GLG1: variants seen among roughly 807,000 people sequenced by gnomAD.
The protein encoded by GLG1 is Golgi apparatus protein 1.
In GLG1, 38 loss-of-function variants were observed where a neutral mutation model predicts 160.5. That is an observed-to-expected ratio of 0.24 (90% CI 0.18 to 0.31). The LOEUF is 0.31. GLG1 is among the 10% of genes least tolerant of loss of function. GLG1 has a pLI of 1.00. For missense variants in GLG1, 1,373 were observed against 1,505.2 expected (o/e 0.91, Z 1.45); for synonymous variants, 644 against 543.4 (o/e 1.19, Z -2.57).
In GLG1 at chr16:74,447,649, A is replaced by T. The variant is rs960284843; in HGVS notation, c.*5518T>A. 5.9e-5 allele frequency: 9 copies of T among 152,236 alleles called. No individual in the cohort carries two copies. Among genetic ancestry groups the T allele is most frequent in the Admixed American group, 5.9e-4 (9 of 15,286 alleles). 9.4% of individuals were successfully genotyped at this position (152,236 alleles called of 1,614,324 possible). A position where few individuals can be genotyped will look rare whatever the true frequency, so the allele number is the denominator to read the frequency against. Reference sequence around the variant, plus strand: ...TTTTTCTTTCTTTCAAAAACAAAACAAAACAAAAAAAGTGAAAAGCCTAAG... The same window carrying T: ...TTTTTCTTTCTTTCAAAAACAAAACTAAACAAAAAAAGTGAAAAGCCTAAG... On this transcript the variant is annotated 3_prime_UTR_variant, in exon 26 of 26. Coordinates refer to ENST00000422840, the MANE Select transcript of GLG1 (RefSeq NM_001145667.2).
At chr16:74,550,154 C>T (rs1054869373) in intron 1 of GLG1, among the ~76,000 whole-genome samples, 11 of 151,858 alleles carry the variant, frequency 7.2e-5, no homozygotes, top group African/African-American at 9.6e-5. Flanking sequence ...CAGTGGTGGA[C>T]GGGTGCTAGA....
At chr16:74,475,680 T>C (rs1306488415) in intron 12 of GLG1, among the ~76,000 whole-genome samples, 4 of 152,226 alleles carry the variant, frequency 2.6e-5, no homozygotes, top group Non-Finnish European at 5.9e-5. Flanking sequence ...CAACAGCTAT[T>C]TCTTAGCAAA....
chr16:74,499,847 C>CA (rs1288263291), intron 4 of GLG1, among the ~76,000 whole-genome samples: 2 of 151,962 alleles, frequency 1.3e-5, no homozygotes, highest in Non-Finnish European at 2.9e-5. Flanking sequence ...ACTAAAAATA[C>CA]AAAAAATTAG....
In GLG1 at chr16:74,468,226, C is replaced by CTTTTTTTTTTTT. The variant is rs201829157; in HGVS notation, c.2437-390_2437-379dup. The CTTTTTTTTTTTT allele has an allele frequency of 4.1e-4, 34 of 83,320 alleles. 3 individuals are homozygous for CTTTTTTTTTTTT. The highest frequency in any genetic ancestry group is 1.5e-3 in the African/African-American group (29 of 19,204). 5.2% of individuals were successfully genotyped at this position (83,320 alleles called of 1,614,324 possible). ...AACCAAATCTTCCAGCTTGAAATGT[C>CTTTTTTTTTTTT]TTTTTTTTTTTTTTTTTTTTTTTTT... On this transcript the variant is annotated intron_variant, in intron 17 of 25. Coordinates refer to ENST00000422840, the MANE Select transcript of GLG1 (RefSeq NM_001145667.2).
chr16:74,551,104 G>A (rs1313089644), intron 1 of GLG1, among the ~76,000 whole-genome samples: 1 of 152,122 alleles, frequency 6.6e-6, no homozygotes, highest in East Asian at 1.9e-4. Context: ...ATGCTATACT[G>A]GGGCTGGTAA....
intron 25 of GLG1, chr16:74,456,436 A>G: frequency 2.0e-6 from 1 of 504,686 alleles, no homozygotes; most frequent in Non-Finnish European, 3.5e-6. Flanking sequence ...CTGAGATTAC[A>G]GGCGCGAGCC....
Position 74,503,567 on chromosome 16 carries a change from G to C in GLG1, c.738C>G (p.Asn246Lys). The C allele has an allele frequency of 1.2e-6, 2 of 1,613,310 alleles. No individual in the cohort carries two copies. The highest frequency in any genetic ancestry group is 1.7e-4 in the Middle Eastern group (1 of 6,060). Residue 246 changes from asparagine (N) to lysine (K), a missense_variant, in exon 4 of 26, where the codon AAC becomes AAG. Asn to Lys is a moderately conservative substitution (Grantham distance 94, BLOSUM62 0). Around this residue, in one of 4 missense-constraint regions of GLG1, gnomAD observed 174 missense variants for 229.9 expected, o/e 0.76. Coordinates refer to ENST00000422840, the MANE Select transcript of GLG1 (RefSeq NM_001145667.2). ...GFMDDCKNDI[N>K]ILKCGSIRLG... ...GCCGAATACTGCCACATTTCAGAATGTTGATGTCATTTTTGCAGTCATCCA... is the reference window on the plus strand; with the variant it reads ...GCCGAATACTGCCACATTTCAGAATCTTGATGTCATTTTTGCAGTCATCCA...
chr16:74,522,001 G>A (rs184666518), intron 2 of GLG1, among the ~76,000 whole-genome samples: 3 of 152,322 alleles, frequency 2.0e-5, no homozygotes, highest in South Asian at 4.1e-4. Context: ...ATGAAAGTAC[G>A]GCATCCCGAT....
Position 74,493,013 on chromosome 16 carries a change from G to A in GLG1, c.1178C>T (p.Ser393Leu), listed in dbSNP as rs752528979. 16 of 1,613,614 alleles carry A rather than the reference G, an allele frequency of 9.9e-6. No homozygotes were observed. Among genetic ancestry groups the A allele is most frequent in the Admixed American group, 5.0e-5 (3 of 59,948 alleles). ...YRCNVENLPR[S>L]REARLSYLLM... ...CAAGTAGGAGAGCCTGGCTTCACGC[G>A]ATCGCGGAAGGTTTTCCACATTGCA... Residue 393 changes from serine to leucine, a missense_variant, in exon 7 of 26, where the codon TCG becomes TTG. By Grantham distance (145) the Ser-to-Leu change is moderately radical (BLOSUM62 -2). This residue lies in a region of GLG1 where 386 missense variants were observed against 388.5 expected (regional missense o/e 0.99). Coordinates refer to ENST00000422840, the MANE Select transcript of GLG1 (RefSeq NM_001145667.2).
chr16:74,456,228 G>A (rs1282937719), intron 25 of GLG1, among the ~76,000 whole-genome samples: 1 of 152,216 alleles, frequency 6.6e-6, no homozygotes, highest in Non-Finnish European at 1.5e-5. Context: ...GGCGAAATGA[G>A]AAAGGAGGGC....
chr16:74,524,897 C>A lies in GLG1; in HGVS notation c.471+7224G>T, dbSNP rs115178890. 1.4e-3 allele frequency among the ~76,000 whole-genome samples: 208 copies of A among 152,332 alleles called. 1 individual carries two copies. The highest frequency in any genetic ancestry group is 4.7e-3 in the African/African-American group (196 of 41,578). On this transcript the variant is annotated intron_variant, in intron 2 of 25. Coordinates refer to ENST00000422840, the MANE Select transcript of GLG1 (RefSeq NM_001145667.2). ...CACTTCTCTGAGTTCCTGGAAACCA[C>A]TAACCTTCTTTCTGTCTTTGTGTCC...
intron 1 of GLG1, among the ~76,000 whole-genome samples, chr16:74,554,765 A>G (rs1206339233): frequency 1.3e-5 from 2 of 152,204 alleles, no homozygotes; most frequent in Non-Finnish European, 2.9e-5. Context: ...TGCAAAGCAA[A>G]TGACATCATT....
chr16:74,565,815 C>T (rs564160675), intron 1 of GLG1, among the ~76,000 whole-genome samples: 6 of 152,308 alleles, frequency 3.9e-5, no homozygotes, highest in South Asian at 2.1e-4. Flanking sequence ...TTCTATGTCT[C>T]TGGAGAACAC....
At chr16:74,481,930 C>T (rs556525384) in intron 10 of GLG1, among the ~76,000 whole-genome samples, 7 of 152,256 alleles carry the variant, frequency 4.6e-5, no homozygotes, top group Non-Finnish European at 7.4e-5. Flanking sequence ...GGACTACAGG[C>T]ATGCACCACC....
At chr16:74,545,272 C>G (rs571201904) in intron 1 of GLG1, among the ~76,000 whole-genome samples, 86 of 152,090 alleles carry the variant, frequency 5.7e-4, no homozygotes, top group African/African-American at 2.0e-3. Flanking sequence ...CCTCAACCTC[C>G]CAGCCTCAAG....
intron 2 of GLG1, among the ~76,000 whole-genome samples, chr16:74,527,118 A>G (rs2017358967): frequency 6.6e-6 from 1 of 152,192 alleles, no homozygotes; most frequent in Admixed American, 6.5e-5. Flanking sequence ...CATACACAAT[A>G]TAAGAATATT....
Position 74,452,188 on chromosome 16 carries a change from T to C in GLG1, c.*979A>G. 3.2e-6 allele frequency: 5 copies of C among 1,580,242 alleles called. No individual in the cohort carries two copies. The highest frequency in any genetic ancestry group is 1.9e-4 in the Middle Eastern group (1 of 5,392). ...TGGCTCCCACTTCCTGACCCACTGC[T>C]CCCCACACCCATCTTCAAGGACCCC... On this transcript the variant is annotated 3_prime_UTR_variant, in exon 26 of 26. Coordinates refer to ENST00000422840, the MANE Select transcript of GLG1 (RefSeq NM_001145667.2).
chr16:74,481,121 G>A (rs998581838), intron 10 of GLG1, among the ~76,000 whole-genome samples: 2 of 152,204 alleles, frequency 1.3e-5, no homozygotes, highest in African/African-American at 4.8e-5. Context: ...AAGTAGGAAT[G>A]AAGTTCAATC....
chr16:74,594,737 C>T (rs117217519), intron 1 of GLG1, among the ~76,000 whole-genome samples: 2,918 of 148,498 alleles, frequency 0.02, 40 homozygotes, highest in Non-Finnish European at 0.029. Context: ...GATTAGGAGG[C>T]TTTTGTTTTG....
Sources: allele counts gnomAD v4.1 joint callset (sites outside exome capture counted in the v4.1 genomes callset), GRCh38; gene constraint gnomAD v4.1.1; regional missense constraint gnomAD v4.1.1; transcripts MANE v1.5; gene names NCBI Gene and HGNC (gene_info 2026-07-23, HGNC 2026-07-21).